The following HADH variants were observed in gnomAD, a reference collection of about 807,000 sequenced individuals.
HADH encodes the protein hydroxyacyl-CoA dehydrogenase.
In HADH, 24 loss-of-function variants were observed where a neutral mutation model predicts 32.2. That is an observed-to-expected ratio of 0.75 (90% CI 0.54 to 1.05). The LOEUF is 1.05. Among genes scored for constraint, HADH ranks in the 50% least tolerant of loss-of-function variants. The pLI, the probability that HADH is intolerant of heterozygous loss-of-function variation, is 0.00. For synonymous variants in HADH, 139 were observed against 152.5 expected (o/e 0.91, Z 0.65); for missense variants, 350 against 397.1 (o/e 0.88, Z 1.01).
chr4:108,007,498 A>G (rs1560727170), intron 1 of HADH, among the ~76,000 whole-genome samples: 2 of 152,232 alleles, frequency 1.3e-5, no homozygotes, highest in East Asian at 3.9e-4. Flanking sequence ...AGACAAGTGT[A>G]CTAATAATTC....
At chr4:107,996,959 C>T (rs1026939497) in intron 1 of HADH, among the ~76,000 whole-genome samples, 1 of 151,032 alleles carries the variant, frequency 6.6e-6, no homozygotes, top group Non-Finnish European at 1.5e-5. Flanking sequence ...CTCAACAGAA[C>T]AGCTTTTGCT....
intron 2 of HADH, 25 bp downstream of exon 2, chr4:108,009,912 C>A: frequency 6.6e-7 from 1 of 1,521,274 alleles, no homozygotes; most frequent in Non-Finnish European, 9.1e-7. Flanking sequence ...TCGATGTCTT[C>A]AAGACAAGTC....
At chr4:108,000,229 C>G (rs1735079786) in intron 1 of HADH, among the ~76,000 whole-genome samples, 1 of 152,152 alleles carries the variant, frequency 6.6e-6, no homozygotes, top group African/African-American at 2.4e-5. Context: ...TCCCAGTTAC[C>G]CTGATTTGAT....
Position 108,034,512 on chromosome 4 carries a change from C to T in HADH, c.*155C>T. ...TTGTAATCTATCGAAGTGATTATTACACCAGTTACAGCAGTAATAGATTCT... is the reference window on the plus strand; with the variant it reads ...TTGTAATCTATCGAAGTGATTATTATACCAGTTACAGCAGTAATAGATTCT... On this transcript the variant is annotated 3_prime_UTR_variant, in exon 8 of 8. Transcript: ENST00000309522. The T allele has an allele frequency of 1.4e-6, 1 of 701,128 alleles. No homozygotes were observed. The allele number at this position is 701,128 out of a possible 1,614,324, so 43.4% of individuals were successfully genotyped here. A position where few individuals can be genotyped will look rare whatever the true frequency, so the allele number is the denominator to read the frequency against.
intron 1 of HADH, among the ~76,000 whole-genome samples, chr4:107,996,418 G>A (rs1218107679): frequency 6.6e-6 from 1 of 152,166 alleles, no homozygotes; most frequent in Non-Finnish European, 1.5e-5. Flanking sequence ...GAGGTGAGAA[G>A]TCTGGGAGAG....
At chr4:107,991,427 T>C (rs1280470834) in intron 1 of HADH, among the ~76,000 whole-genome samples, 2 of 152,196 alleles carry the variant, frequency 1.3e-5, no homozygotes, top group Non-Finnish European at 2.9e-5. Context: ...TATTAGGTAT[T>C]ATATATCTCA....
chr4:108,032,394 G>A, intron 6 of HADH: 1 of 1,565,098 alleles, frequency 6.4e-7, no homozygotes, highest in Non-Finnish European at 8.8e-7. Flanking sequence ...TGACTAAAAG[G>A]TTTGTGTGAA....
At chr4:107,999,145 T>C (rs1735041382) in intron 1 of HADH, among the ~76,000 whole-genome samples, 1 of 152,232 alleles carries the variant, frequency 6.6e-6, no homozygotes, top group South Asian at 2.1e-4. Context: ...ATCTCTGACC[T>C]GATTCACACA....
chr4:108,027,543 G>A (rs1736107513), intron 5 of HADH, 145 bp from the exon 6 acceptor site: 5 of 714,286 alleles, frequency 7.0e-6, no homozygotes, highest in Non-Finnish European at 1.3e-5. Context: ...TAGAAATAAG[G>A]CCATGCTGCA....
chr4:108,032,977 G>A (rs1484325446), intron 6 of HADH, 199 bp from the exon 7 acceptor site: 1 of 586,614 alleles, frequency 1.7e-6, no homozygotes, highest in Non-Finnish European at 3.1e-6. Context: ...GCAAGACTCT[G>A]TCTCAAAAAA....
chr4:108,030,786 AATT>A (rs1236406887), intron 6 of HADH: 1 of 152,184 alleles, frequency 6.6e-6, no homozygotes, highest in African/African-American at 2.4e-5. Flanking sequence ...GAAGTTTAAG[AATT>A]ATTAGTTTAA....
chr4:107,994,554 A>G (rs1734900871), intron 1 of HADH, among the ~76,000 whole-genome samples: 1 of 152,202 alleles, frequency 6.6e-6, no homozygotes, highest in African/African-American at 2.4e-5. Flanking sequence ...TGTACAGTAC[A>G]GTACTGCTTT....
chr4:108,029,702 C>T (rs896482937), intron 6 of HADH: 2 of 152,384 alleles, frequency 1.3e-5, no homozygotes, highest in African/African-American at 4.8e-5. Context: ...TCCTGGATGA[C>T]CGGGCCTCTG....
intron 1 of HADH, chr4:108,005,386 A>C (rs1370181595): frequency 6.2e-6 from 1 of 160,778 alleles, no homozygotes; most frequent in African/African-American, 2.4e-5. Context: ...TGAAGAAAGA[A>C]AAATGGTGGG....
intron 4 of HADH, among the ~76,000 whole-genome samples, chr4:108,022,173 GTGTGTGTGTGTGTGTATGTGTGTGTGTA>G (rs1735907057): frequency 2.1e-5 from 3 of 141,052 alleles, no homozygotes; most frequent in Non-Finnish European, 3.1e-5. Context: ...ATATATGTGT[GTGTGTGTGTGTGTGTATGTGTGTGTGTA>G]TGTGTGTGTG....
At chr4:107,996,709 C>T (rs952788824) in intron 1 of HADH, among the ~76,000 whole-genome samples, 2 of 152,124 alleles carry the variant, frequency 1.3e-5, no homozygotes, top group Admixed American at 1.3e-4. Flanking sequence ...GCCTGGCCAA[C>T]AAAGTTAAAC....
chr4:107,990,743 CTTTTTTTTTTT>C (rs553014808), intron 1 of HADH, among the ~76,000 whole-genome samples: 39 of 111,846 alleles, frequency 3.5e-4, no homozygotes, highest in African/African-American at 1.4e-3. Context: ...AAGTCTCTCT[CTTTTTTTTTTT>C]TTTTTTTTTT....
chr4:108,015,424 G>A (rs1406728613), intron 3 of HADH, among the ~76,000 whole-genome samples: 2 of 152,156 alleles, frequency 1.3e-5, no homozygotes, highest in Non-Finnish European at 2.9e-5. Flanking sequence ...CCACTAGTGT[G>A]TCTTTTTTTG....
chr4:108,032,239 G>T (rs1736291597), intron 6 of HADH: 1 of 721,388 alleles, frequency 1.4e-6, no homozygotes, highest in Non-Finnish European at 2.5e-6. Flanking sequence ...GGAACAGATT[G>T]TTCTCCATAA....
Sources: allele counts gnomAD v4.1 joint callset (sites outside exome capture counted in the v4.1 genomes callset), GRCh38; gene constraint gnomAD v4.1.1; transcripts MANE v1.5; gene names NCBI Gene and HGNC (gene_info 2026-07-23, HGNC 2026-07-21).